Variants in FGL1 observed in about 807,000 individuals in gnomAD.
The protein encoded by FGL1 is fibrinogen like 1.
In FGL1, 59 loss-of-function variants were observed where a neutral mutation model predicts 43.7. The ratio of observed to expected loss-of-function variants is 1.35; its 90% CI spans 1.10 to 1.68. The LOEUF (loss-of-function observed/expected upper bound fraction) is 1.68. FGL1 is among the 40% of genes most tolerant of loss of function. FGL1 has a pLI of 0.00. For missense variants in FGL1, 596 were observed against 373.0 expected, an observed-to-expected ratio of 1.60 and a Z score of -4.92; for synonymous variants, 192 against 126.5, an observed-to-expected ratio of 1.52 and a Z score of -3.48.
chr8:17,879,911 T>A (rs1418263621), intron 3 of FGL1, among the ~76,000 whole-genome samples: 1 of 152,140 alleles, frequency 6.6e-6, no homozygotes, highest in Non-Finnish European at 1.5e-5. Context: ...GCTCAGAATG[T>A]GTTCAAATAG....
chr8:17,864,684 TC>T lies in FGL1; in HGVS notation c.846del (p.Ile283LeufsTer13). ...SGPYTAKTDN[G>X]IVWYTWHGWW... is the part of the protein sequence containing the mutation. ...CACCCATGCCAGGTGTACCAGACAATCCCATTGTCTGTTTTAGCCGTGTAGG... is the reference window on the plus strand; with the variant it reads ...CACCCATGCCAGGTGTACCAGACAATCCATTGTCTGTTTTAGCCGTGTAGG... On this transcript the variant is annotated frameshift_variant, in exon 8 of 8. Transcript: ENST00000427924. LOFTEE classifies it high-confidence loss of function. 1 of 1,613,378 alleles carries T rather than the reference TC, an allele frequency of 6.2e-7. No homozygotes were observed. The highest frequency in any genetic ancestry group is 8.5e-7 in the Non-Finnish European group (1 of 1,179,810).
chr8:17,889,589 T>C (rs1397822984), intron 1 of FGL1, among the ~76,000 whole-genome samples: 3 of 152,170 alleles, frequency 2.0e-5, no homozygotes, highest in Non-Finnish European at 4.4e-5. Context: ...CAAATTTTAA[T>C]TGGCCATTTT....
chr8:17,870,764 G>A (rs1194762548), intron 5 of FGL1, among the ~76,000 whole-genome samples: 1 of 151,976 alleles, frequency 6.6e-6, no homozygotes, highest in African/African-American at 2.4e-5. Flanking sequence ...AAATTAGCTG[G>A]GCATGGTGGC....
intron 7 of FGL1, among the ~76,000 whole-genome samples, chr8:17,865,578 C>G (rs1185791473): frequency 1.3e-5 from 2 of 152,152 alleles, no homozygotes; most frequent in African/African-American, 4.8e-5. Flanking sequence ...TTGCACCAAT[C>G]TAGATAAGCT....
At chr8:17,865,010 T>A (rs1762405769) in intron 7 of FGL1, among the ~76,000 whole-genome samples, 1 of 152,020 alleles carries the variant, frequency 6.6e-6, no homozygotes, top group Non-Finnish European at 1.5e-5. Context: ...GGTCTCCAAC[T>A]CCTGAGCTCA....
chr8:17,871,017 T>A (rs1358436868), intron 5 of FGL1, among the ~76,000 whole-genome samples: 1 of 152,056 alleles, frequency 6.6e-6, no homozygotes, highest in African/African-American at 2.4e-5. Flanking sequence ...GGGCAGGGAA[T>A]GCTGGATTCC....
intron 7 of FGL1, among the ~76,000 whole-genome samples, chr8:17,865,423 G>A (rs17125753): frequency 0.039 from 5,896 of 152,072 alleles, 401 homozygotes; most frequent in African/African-American, 0.13. Flanking sequence ...TTCAAACTCC[G>A]TATGTCCCCT....
intron 5 of FGL1, among the ~76,000 whole-genome samples, chr8:17,870,866 A>G (rs1009735460): frequency 6.6e-6 from 1 of 151,740 alleles, no homozygotes; most frequent in Admixed American, 6.6e-5. Flanking sequence ...AGATCGCGCC[A>G]CTGCACTCCA....
rs2053438550 is a variant in FGL1, at chr8:17,875,539, T to TTCTTTCTCTCTCTC, written c.245-1019_245-1018insGAGAGAGAGAAAGA. Among the ~76,000 whole-genome samples the TTCTTTCTCTCTCTC allele has an allele frequency of 2.7e-4, 4 of 14,658 alleles. 1 individual carries two copies. The highest frequency in any genetic ancestry group is 5.9e-4 in the African/African-American group (3 of 5,126). The allele number at this position is 14,658 out of a possible 152,430, so 9.6% of individuals were successfully genotyped here. On this transcript the variant is annotated intron_variant, in intron 3 of 7. Transcript: ENST00000427924. Reference sequence around the variant, plus strand: ...TCTTTCTTTCTTTCTTTCTTTCTCTTTCTTTCTTTCTTTCTTTCTTTCTTT... The same window carrying TTCTTTCTCTCTCTC: ...TCTTTCTTTCTTTCTTTCTTTCTCTTTCTTTCTCTCTCTCTCTTTCTTTCTTTCTTTCTTTCTTT...
intron 1 of FGL1, among the ~76,000 whole-genome samples, chr8:17,889,667 G>T (rs1170058598): frequency 6.6e-6 from 1 of 152,158 alleles, no homozygotes; most frequent in Admixed American, 6.5e-5. Flanking sequence ...ATTTCTCCAG[G>T]ACCATTCAGC....
Position 17,882,146 on chromosome 8 carries a change from G to A in FGL1, c.97C>T (p.Leu33Phe). 1.2e-6 allele frequency: 2 copies of A among 1,613,936 alleles called. No homozygotes were observed. The highest frequency in any genetic ancestry group is 1.1e-5 in the South Asian group (1 of 91,070). Residue 33 changes from leucine to phenylalanine, a missense_variant, in exon 3 of 8, where the codon CTC (leucine) becomes TTC (phenylalanine). Physicochemically the swap from Leu to Phe is conservative, Grantham distance 22. Transcript: ENST00000427924. Reference protein sequence around the residue: ...LEDCAQEQMRLRAQVRLLETR... With the variant: ...LEDCAQEQMRFRAQVRLLETR... ...TCAAGCAGGCGCACCTGGGCTCTGA[G>A]CCGCATCTGCTCCTGGGCACAGTCC...
chr8:17,887,166 T>C (rs1314681609), intron 1 of FGL1, among the ~76,000 whole-genome samples: 1 of 152,074 alleles, frequency 6.6e-6, no homozygotes, highest in Non-Finnish European at 1.5e-5. Context: ...GGCTCTACAC[T>C]CTTCCTACCA....
At chr8:17,893,216 AAAC>A (rs1199200437) in intron 1 of FGL1, among the ~76,000 whole-genome samples, 1 of 152,114 alleles carries the variant, frequency 6.6e-6, no homozygotes, top group Non-Finnish European at 1.5e-5. Flanking sequence ...ACAAACAAAC[AAAC>A]AACAACAACA....
At chr8:17,874,559 G>A in intron 3 of FGL1, 38 bp from the exon 4 acceptor site, 1 of 1,557,654 alleles carries the variant, frequency 6.4e-7, no homozygotes, top group South Asian at 1.2e-5. Context: ...TTCATTATGT[G>A]TCTTTTTCTC....
intron 2 of FGL1, among the ~76,000 whole-genome samples, chr8:17,883,676 T>A (rs2053584060): frequency 6.8e-6 from 1 of 146,060 alleles, no homozygotes; most frequent in Admixed American, 7.0e-5. Flanking sequence ...ATATAGTCTA[T>A]AATATATATA....
In FGL1 at chr8:17,882,016, C is replaced by T. The variant is rs189727691; in HGVS notation, c.227G>A (p.Ser76Asn). The change falls in exon 3 of 8, where the codon AGC becomes AAC. Residue 76 changes from serine to asparagine, a missense_variant. Physicochemically the swap from Ser to Asn is conservative, Grantham distance 46. Coordinates refer to ENST00000427924, the MANE Select transcript of FGL1 (RefSeq NM_004467.4). ...GDENTVIDLG[S>N]KRQYADCSEI... is the part of the protein sequence containing the mutation. ...ATTCTGACCTGCATACTGCCTCTTG[C>T]TTCCAAGATCAATGACAGTATTCTC... The T allele has an allele frequency of 1.2e-6, 2 of 1,613,820 alleles. No homozygotes were observed. Among genetic ancestry groups the T allele is most frequent in the East Asian group, 2.2e-5 (1 of 44,858 alleles).
At chr8:17,890,747 G>T (rs369045206) in intron 1 of FGL1, among the ~76,000 whole-genome samples, 28 of 152,264 alleles carry the variant, frequency 1.8e-4, no homozygotes, top group African/African-American at 5.8e-4. Context: ...CAGTCGTGGT[G>T]GAAGGGGAAG....
At chr8:17,885,626 C>A in intron 1 of FGL1, 55 bp from the exon 2 acceptor site, 1 of 1,493,188 alleles carries the variant, frequency 6.7e-7, no homozygotes, top group East Asian at 2.3e-5. Flanking sequence ...TTTCATGAGA[C>A]CAGAGTTCAG....
At chr8:17,886,341 C>T (rs536006151) in intron 1 of FGL1, among the ~76,000 whole-genome samples, 2 of 152,238 alleles carry the variant, frequency 1.3e-5, no homozygotes, top group South Asian at 2.1e-4. Flanking sequence ...TAATTTTTTC[C>T]TTCTCACAAA....
Sources: allele counts gnomAD v4.1 joint callset (sites outside exome capture counted in the v4.1 genomes callset), GRCh38; gene constraint gnomAD v4.1.1; transcripts MANE v1.5; gene names NCBI Gene and HGNC (gene_info 2026-07-23, HGNC 2026-07-21).